The following DLG2 variants were observed in gnomAD, a reference collection of about 807,000 sequenced individuals.
DLG2 encodes the protein disks large homolog 2.
Under a neutral mutation model 132.5 loss-of-function variants are expected in DLG2, and 45 were observed. That is an observed-to-expected ratio of 0.34 (90% CI 0.27 to 0.44). The LOEUF is 0.44. DLG2 is among the 20% of genes least tolerant of loss of function. The pLI is 1.00. For missense variants in DLG2, 1,045 were observed against 1,196.9 expected, an observed-to-expected ratio of 0.87 and a Z score of 1.87; for synonymous variants, 424 against 419.6, an observed-to-expected ratio of 1.01 and a Z score of -0.13.
At chr11:85,267,112 T>C (rs1296563008) in intron 4 of DLG2, among the ~76,000 whole-genome samples, 5 of 152,218 alleles carry the variant, frequency 3.3e-5, no homozygotes, top group African/African-American at 7.2e-5. Flanking sequence ...TGATGTTATT[T>C]AGGCCTTTGA....
At chr11:85,451,810 A>G (rs905026455) in intron 3 of DLG2, among the ~76,000 whole-genome samples, 2 of 152,106 alleles carry the variant, frequency 1.3e-5, no homozygotes, top group Admixed American at 6.5e-5. Flanking sequence ...TCAGCCTCCC[A>G]AAGTGCTATG....
At chr11:84,277,206 T>C (rs923072131) in intron 7 of DLG2, among the ~76,000 whole-genome samples, 1 of 152,204 alleles carries the variant, frequency 6.6e-6, no homozygotes, top group African/African-American at 2.4e-5. Context: ...AAGACTTGTA[T>C]AAAACTAGGC....
At chr11:84,322,501 G>T (rs144214641) in intron 7 of DLG2, among the ~76,000 whole-genome samples, 31 of 152,224 alleles carry the variant, frequency 2.0e-4, no homozygotes, top group Middle Eastern at 3.4e-3. Context: ...TAAGTCAAAA[G>T]CCAGTTAGTG....
rs183449537 is a variant in DLG2 at position 85,405,845 on chromosome 11, T to C, written c.41-120480A>G. 3.5e-4 allele frequency among the ~76,000 whole-genome samples: 53 copies of C among 152,044 alleles called. 1 individual carries two copies. In the East Asian group the frequency reaches 4.1e-3, roughly 12 times the overall value. On this transcript the variant is annotated intron_variant, in intron 3 of 27. Coordinates refer to ENST00000376104, the MANE Select transcript of DLG2 (RefSeq NM_001142699.3). ...TTGAATCCAGACATGTACCAACTGA[T>C]TGAAAATTATGTAAAGTGAATCAGA...
At position 83,739,402 on chromosome 11, in the gene DLG2, A is replaced by G. The variant is rs115729120; in HGVS notation, c.1825+47288T>C. On this transcript the variant is annotated intron_variant, in intron 18 of 27. Coordinates refer to ENST00000376104, the MANE Select transcript of DLG2 (RefSeq NM_001142699.3). Reference sequence around the variant, plus strand: ...AACAGAAACATGTTACTTAGCAGATAATTAAAAAGAACATTAAGCATACTC... The same window carrying G: ...AACAGAAACATGTTACTTAGCAGATGATTAAAAAGAACATTAAGCATACTC... Among the ~76,000 whole-genome samples, 534 of 152,332 alleles carry G rather than the reference A, an allele frequency of 3.5e-3. 1 individual carries two copies. Among genetic ancestry groups the G allele is most frequent in the African/African-American group, 8.0e-3 (331 of 41,580 alleles).
chr11:85,523,715 C>T (rs906695485), intron 3 of DLG2, among the ~76,000 whole-genome samples: 1 of 152,174 alleles, frequency 6.6e-6, no homozygotes, highest in African/African-American at 2.4e-5. Flanking sequence ...ACAATCCAGA[C>T]ATCCCACTGC....
In DLG2 at chr11:83,904,330, G is replaced by A. The variant is rs528012459; in HGVS notation, c.1496+25998C>T. On this transcript the variant is annotated intron_variant, in intron 15 of 27. Coordinates refer to ENST00000376104, the MANE Select transcript of DLG2 (RefSeq NM_001142699.3). Reference sequence around the variant, plus strand: ...ATATGCAAAATCATGGACAAATTGAGGACCACTGTGCTGTATAATTATAAA... The same window carrying A: ...ATATGCAAAATCATGGACAAATTGAAGACCACTGTGCTGTATAATTATAAA... Among the ~76,000 whole-genome samples the A allele has an allele frequency of 1.0e-3, 158 of 151,962 alleles. 2 individuals carry two copies. Among genetic ancestry groups the A allele is most frequent in the African/African-American group, 3.7e-3 (153 of 41,464 alleles).
intron 6 of DLG2, among the ~76,000 whole-genome samples, chr11:84,818,551 G>A (rs2077320941): frequency 6.6e-6 from 1 of 151,700 alleles, no homozygotes. Flanking sequence ...GAAGTTCAGA[G>A]ACATTTACCA....
intron 18 of DLG2, among the ~76,000 whole-genome samples, chr11:83,770,853 C>A (rs1392250662): frequency 6.6e-6 from 1 of 151,974 alleles, no homozygotes; most frequent in East Asian, 1.9e-4. Flanking sequence ...ACAAAACGAA[C>A]AAATAAGAGA....
At chr11:84,293,102 A>T (rs1305648948) in intron 7 of DLG2, among the ~76,000 whole-genome samples, 1 of 151,946 alleles carries the variant, frequency 6.6e-6, no homozygotes, top group Non-Finnish European at 1.5e-5. Flanking sequence ...GGAGCCAATG[A>T]AGGATCTTAA....
At chr11:83,495,718 T>G (rs2094116165) in intron 21 of DLG2, among the ~76,000 whole-genome samples, 1 of 152,122 alleles carries the variant, frequency 6.6e-6, no homozygotes, top group South Asian at 2.1e-4. Flanking sequence ...AAGTCCAACC[T>G]CTCACTCATG....
intron 9 of DLG2, among the ~76,000 whole-genome samples, chr11:84,140,516 T>G (rs931942304): frequency 2.0e-5 from 3 of 152,160 alleles, no homozygotes; most frequent in Non-Finnish European, 4.4e-5. Context: ...CTGATTTAAC[T>G]GTATTCCTAT....
intron 6 of DLG2, among the ~76,000 whole-genome samples, chr11:84,718,148 T>C (rs1292794332): frequency 6.6e-6 from 1 of 152,122 alleles, no homozygotes; most frequent in African/African-American, 2.4e-5. Flanking sequence ...CTGTTAAGTA[T>C]GGTTATAATA....
chr11:83,864,905 A>G (rs2062036488), intron 16 of DLG2, among the ~76,000 whole-genome samples: 1 of 152,122 alleles, frequency 6.6e-6, no homozygotes, highest in Non-Finnish European at 1.5e-5. Flanking sequence ...ACCTGAGGCA[A>G]TCCTCTTTGT....
intron 6 of DLG2, among the ~76,000 whole-genome samples, chr11:84,541,474 T>C (rs940911446): frequency 2.0e-5 from 3 of 152,130 alleles, no homozygotes; most frequent in Non-Finnish European, 2.9e-5. Context: ...AAGCATTCTC[T>C]GACTTCAAAG....
At chr11:85,277,790 A>T (rs2077982277) in intron 4 of DLG2, among the ~76,000 whole-genome samples, 1 of 152,162 alleles carries the variant, frequency 6.6e-6, no homozygotes, top group Non-Finnish European at 1.5e-5. Flanking sequence ...TCTATCCATG[A>T]TCTTCCAGGA....
At chr11:84,134,935 T>C (rs1160216502) in intron 9 of DLG2, among the ~76,000 whole-genome samples, 1 of 152,080 alleles carries the variant, frequency 6.6e-6, no homozygotes, top group Admixed American at 6.6e-5. Flanking sequence ...ATGATCATTT[T>C]GAATGGCAAT....
intron 7 of DLG2, among the ~76,000 whole-genome samples, chr11:84,455,185 A>T (rs932339020): frequency 1.3e-5 from 2 of 151,454 alleles, no homozygotes; most frequent in Admixed American, 6.6e-5. Context: ...TTCCTCACCT[A>T]CAGCAATTTT....
chr11:85,242,777 A>C (rs2075952410), intron 4 of DLG2, among the ~76,000 whole-genome samples: 1 of 151,648 alleles, frequency 6.6e-6, no homozygotes, highest in Non-Finnish European at 1.5e-5. Flanking sequence ...CTTGTCAGAA[A>C]ACCTTGTCTT....
Sources: gnomAD v4.1 joint callset for allele counts (sites outside exome capture counted in the v4.1 genomes callset) on GRCh38, gnomAD v4.1.1 for gene constraint, MANE v1.5 for transcripts, NCBI Gene and HGNC (gene_info 2026-07-23, HGNC 2026-07-21) for gene names.